ITGAE: variants seen among roughly 807,000 people sequenced by gnomAD.
ITGAE encodes integrin alpha-E.
In ITGAE, 99 loss-of-function variants were observed where a neutral mutation model predicts 136.5. The ratio of observed to expected loss-of-function variants is 0.73; its 90% CI spans 0.62 to 0.86. The LOEUF (loss-of-function observed/expected upper bound fraction) is 0.86, where lower values mean the gene tolerates loss of function less well. Among genes scored for constraint, ITGAE ranks in the 40% least tolerant of loss-of-function variants. The pLI is 0.00. For missense variants in ITGAE, 1,447 were observed against 1,515.3 expected (o/e 0.95, Z 0.75); for synonymous variants, 613 against 591.8 (o/e 1.04, Z -0.52).
chr17:3,720,584 CTTT>C (rs66495360), intron 28 of ITGAE, 182 bp from the exon 29 acceptor site: 2,918 of 318,296 alleles, frequency 9.2e-3, no homozygotes, highest in South Asian at 0.021. Context: ...CTTCAACTTC[CTTT>C]TTTTTTTTTT....
At chr17:3,758,143 T>C (rs1832189246) in intron 8 of ITGAE, among the ~76,000 whole-genome samples, 1 of 152,222 alleles carries the variant, frequency 6.6e-6, no homozygotes, top group African/African-American at 2.4e-5. Flanking sequence ...ATTAAAACGA[T>C]AGATAATACT....
At chr17:3,764,722 C>G (rs1400503959) in intron 2 of ITGAE, among the ~76,000 whole-genome samples, 1 of 152,006 alleles carries the variant, frequency 6.6e-6, no homozygotes, top group Non-Finnish European at 1.5e-5. Flanking sequence ...AATAAAAGAA[C>G]TGGAGGTTTG....
At chr17:3,787,407 C>T (rs546578178) in intron 1 of ITGAE, among the ~76,000 whole-genome samples, 30 of 152,046 alleles carry the variant, frequency 2.0e-4, no homozygotes, top group African/African-American at 5.5e-4. Context: ...CCACCATGCC[C>T]GGCTGTGAAT....
intron 1 of ITGAE, among the ~76,000 whole-genome samples, chr17:3,791,683 TGA>T (rs2052943700): frequency 6.6e-6 from 1 of 152,164 alleles, no homozygotes; most frequent in Non-Finnish European, 1.5e-5. Context: ...AGCGTGCAAA[TGA>T]GTCATCGGAG....
intron 2 of ITGAE, among the ~76,000 whole-genome samples, chr17:3,766,151 AG>A (rs1555524441): frequency 6.6e-6 from 1 of 152,082 alleles, no homozygotes; most frequent in Non-Finnish European, 1.5e-5. Flanking sequence ...GCAGGGACTC[AG>A]GGGGACGTTG....
intron 1 of ITGAE, among the ~76,000 whole-genome samples, chr17:3,778,761 G>A (rs1408438281): frequency 6.6e-6 from 1 of 152,052 alleles, no homozygotes; most frequent in Non-Finnish European, 1.5e-5. Context: ...AGAAATCATT[G>A]GTACTGGACT....
chr17:3,793,216 C>A (rs1219355627), intron 1 of ITGAE, among the ~76,000 whole-genome samples: 3 of 152,082 alleles, frequency 2.0e-5, no homozygotes, highest in African/African-American at 4.8e-5. Flanking sequence ...CCATGCCCAG[C>A]TAATTTTTTG....
intron 26 of ITGAE, chr17:3,726,756 T>C (rs1354826873): frequency 1.3e-5 from 2 of 155,532 alleles, no homozygotes; most frequent in Non-Finnish European, 2.8e-5. Context: ...GACAGAGTCT[T>C]GCTCTGTCAC....
intron 1 of ITGAE, 109 bp downstream of exon 1, chr17:3,801,002 G>T: frequency 7.8e-7 from 1 of 1,283,926 alleles, no homozygotes; most frequent in Non-Finnish European, 1.1e-6. Context: ...CTAACCTCTG[G>T]CTCTAACTGA....
chr17:3,753,677 A>C, intron 13 of ITGAE, 106 bp downstream of exon 13: 1 of 1,405,400 alleles, frequency 7.1e-7, no homozygotes, highest in Non-Finnish European at 9.6e-7. Context: ...AGTTTCACCC[A>C]GCCCGGGCCC....
intron 20 of ITGAE, among the ~76,000 whole-genome samples, chr17:3,736,021 G>C (rs1164820482): frequency 6.6e-6 from 1 of 152,154 alleles, no homozygotes; most frequent in Non-Finnish European, 1.5e-5. Context: ...GCAGGTGCCT[G>C]TAATCCCAGC....
At chr17:3,797,392 C>T (rs2053144514) in intron 1 of ITGAE, among the ~76,000 whole-genome samples, 1 of 151,202 alleles carries the variant, frequency 6.6e-6, no homozygotes, top group African/African-American at 2.4e-5. Flanking sequence ...GTCTCGATCT[C>T]CTGACCTCAT....
rs1274613429 is a variant in ITGAE at position 3,801,127 on chromosome 17, A to T, written c.18T>A (p.Thr6=). 3.7e-6 allele frequency: 6 copies of T among 1,612,312 alleles called. No individual in the cohort carries two copies. The highest frequency in any genetic ancestry group is 3.3e-5 in the Admixed American group (2 of 60,026). The change falls in exon 1 of 31, where the codon ACT becomes ACA. Residue 6 remains threonine (T), a synonymous_variant. Transcript: ENST00000263087. ...AGGACTTACTGGCTATGCAGAGCAG[A>T]GTGTGGAAGAGCCACATCCTTGCTG... The part of the protein sequence containing the change: MWLFH[T]LLCIASLALL...
At chr17:3,727,861 G>A (rs1022732926) in intron 26 of ITGAE, 58 bp downstream of exon 26, 61 of 1,074,456 alleles carry the variant, frequency 5.7e-5, no homozygotes, top group Non-Finnish European at 7.7e-5. Context: ...TTTTATACTT[G>A]AGACTCTGTA....
intron 2 of ITGAE, among the ~76,000 whole-genome samples, chr17:3,768,717 C>T (rs2052354522): frequency 6.6e-6 from 1 of 152,214 alleles, no homozygotes; most frequent in Admixed American, 6.5e-5. Flanking sequence ...CTCTGCTTCA[C>T]ATCACCCTGT....
intron 17 of ITGAE, 28 bp from the exon 18 acceptor site, chr17:3,745,955 T>G (rs749551764): frequency 6.2e-7 from 1 of 1,604,678 alleles, no homozygotes; most frequent in Non-Finnish European, 8.5e-7. Flanking sequence ...ACCTTCCCGA[T>G]GAGGTGGGGA....
Position 3,797,673 on chromosome 17 carries a change from A to C in ITGAE, c.34+3438T>G, listed in dbSNP as rs571369223. 3.5e-4 allele frequency among the ~76,000 whole-genome samples: 52 copies of C among 150,636 alleles called. 1 individual carries two copies. Among genetic ancestry groups the C allele is most frequent in the Admixed American group, 6.0e-4 (9 of 15,100 alleles). On this transcript the variant is annotated intron_variant, in intron 1 of 30. Coordinates refer to ENST00000263087, the MANE Select transcript of ITGAE (RefSeq NM_002208.5). ...ACGGGGTTTCACCGTGTTGGCCAGGATGGTCTTGAACTCCTGATCACAAGT... is the reference window on the plus strand; with the variant it reads ...ACGGGGTTTCACCGTGTTGGCCAGGCTGGTCTTGAACTCCTGATCACAAGT...
chr17:3,763,306 G>A (rs1298828156), intron 3 of ITGAE, among the ~76,000 whole-genome samples: 2 of 150,528 alleles, frequency 1.3e-5, no homozygotes, highest in Non-Finnish European at 3.0e-5. Context: ...AGTGAATCAG[G>A]TTCATTCATT....
intron 1 of ITGAE, among the ~76,000 whole-genome samples, chr17:3,782,340 AGTGTGTGTGT>A (rs151134975): frequency 5.5e-5 from 6 of 109,596 alleles, no homozygotes; most frequent in Admixed American, 1.0e-4. Flanking sequence ...TTAAATCTCT[AGTGTGTGTGT>A]GTGTGTGTGT....
Sources: allele counts gnomAD v4.1 joint callset (sites outside exome capture counted in the v4.1 genomes callset), GRCh38; gene constraint gnomAD v4.1.1; transcripts MANE v1.5; gene names NCBI Gene and HGNC (gene_info 2026-07-23, HGNC 2026-07-21).